GGCX: variants seen among roughly 807,000 people sequenced by gnomAD.
The protein encoded by GGCX is vitamin K-dependent gamma-carboxylase.
In GGCX, 63 loss-of-function variants were observed where a neutral mutation model predicts 88.5. That is an observed-to-expected ratio of 0.71 (90% CI 0.58 to 0.88). The LOEUF (loss-of-function observed/expected upper bound fraction) is 0.88, where lower values mean the gene tolerates loss of function less well. Among genes scored for constraint, GGCX ranks in the 40% least tolerant of loss-of-function variants. The pLI, the probability that GGCX is intolerant of heterozygous loss-of-function variation, is 0.00. For synonymous variants in GGCX, 368 were observed against 365.8 expected (o/e 1.01, Z -0.07); for missense variants, 805 against 932.9 (o/e 0.86, Z 1.79).
intron 6 of GGCX, 194 bp downstream of exon 6, chr2:85,555,290 T>C (rs978286754): frequency 3.6e-6 from 2 of 548,472 alleles, no homozygotes; most frequent in African/African-American, 3.8e-5. Context: ...CTATACCATA[T>C]ATCTCCCAAG....
rs1236321525 is a variant in GGCX, at chr2:85,561,463, C to T, written c.-35G>A. 4.0e-6 allele frequency: 6 copies of T among 1,511,296 alleles called. No individual in the cohort carries two copies. Among genetic ancestry groups the T allele is most frequent in the Non-Finnish European group, 5.4e-6 (6 of 1,108,530 alleles). The allele number at this position is 1,511,296 out of a possible 1,614,324, so 93.6% of individuals were successfully genotyped here. ...GAGGAGGCAGGTGGGTCACAGCTGC[C>T]GCGTCTGAACGGAGGCCGCCAGGAG... On this transcript the variant is annotated 5_prime_UTR_variant, in exon 1 of 15. Coordinates refer to ENST00000233838, the MANE Select transcript of GGCX (RefSeq NM_000821.7).
chr2:85,547,481 A>ACT lies in GGCX; in HGVS notation c.*2451_*2452dup, dbSNP rs1227876885. 2.0e-5 allele frequency: 3 copies of ACT among 152,190 alleles called. No individual in the cohort carries two copies. The highest frequency in any genetic ancestry group is 7.2e-5 in the African/African-American group (3 of 41,438). 9.4% of individuals were successfully genotyped at this position (152,190 alleles called of 1,614,324 possible). ...GGAAAATTGGTCAGAGAGGTGGTAT[A>ACT]CTAACAGTTTGGGGAAGGGCAGCAT... On this transcript the variant is annotated 3_prime_UTR_variant, in exon 15 of 15. Coordinates refer to ENST00000233838, the MANE Select transcript of GGCX (RefSeq NM_000821.7).
At position 85,550,721 on chromosome 2, in the gene GGCX, G is replaced by A; in HGVS notation, c.1918C>T (p.Pro640Ser). Residue 640 changes from proline (P) to serine (S), a missense_variant, in exon 14 of 15, where the codon CCT becomes TCT. Physicochemically the swap from Pro to Ser is moderately conservative, Grantham distance 74. Coordinates refer to ENST00000233838, the MANE Select transcript of GGCX (RefSeq NM_000821.7). ...ETGPLPPELQ[P>S]LLEGEVKGGP... is the part of the protein sequence containing the mutation. ...CCTTTTACTTCCCCTTCCAACAGAGGCTGCAGCTCTGGGGGTAGAGGCCCT... is the reference window on the plus strand; with the variant it reads ...CCTTTTACTTCCCCTTCCAACAGAGACTGCAGCTCTGGGGGTAGAGGCCCT... 1 of 1,614,068 alleles carries A rather than the reference G, an allele frequency of 6.2e-7. No homozygotes were observed. Among genetic ancestry groups the A allele is most frequent in the Admixed American group, 1.7e-5 (1 of 60,020 alleles).
intron 6 of GGCX, 183 bp from the exon 7 acceptor site, chr2:85,554,489 G>A (rs904855074): frequency 6.0e-5 from 29 of 483,602 alleles, no homozygotes; most frequent in Non-Finnish European, 8.8e-5. Flanking sequence ...TTGTTGAAAC[G>A]AAGTTTCACT....
rs948341978 is a variant in GGCX at position 85,547,291 on chromosome 2, TGAG to T, written c.*2640_*2642del. 3 of 152,174 alleles carry T rather than the reference TGAG, an allele frequency of 2.0e-5. No homozygotes were observed. The highest frequency in any genetic ancestry group is 4.8e-5 in the African/African-American group (2 of 41,440). 9.4% of individuals were successfully genotyped at this position (152,174 alleles called of 1,614,324 possible). ...AAAGATCCAAATCCTGAGGGTAGAA[TGAG>T]GAGGATGTATACTAAAGTCTTTTGG... On this transcript the variant is annotated 3_prime_UTR_variant, in exon 15 of 15. Transcript: ENST00000233838.
At position 85,558,504 on chromosome 2, in the gene GGCX, T is replaced by G. The variant is rs749359561; in HGVS notation, c.475A>C (p.Asn159His). 4.3e-6 allele frequency: 7 copies of G among 1,613,792 alleles called. No homozygotes were observed. The highest frequency in any genetic ancestry group is 2.2e-5 in the East Asian group (1 of 44,870). ...AACAACCCATACAGATAGGAGTGGTTGTTCCATGATGTCTTGTCCAGGAGA... is the reference window on the plus strand; with the variant it reads ...AACAACCCATACAGATAGGAGTGGTGGTTCCATGATGTCTTGTCCAGGAGA... ...VFLLDKTSWN[N>H]HSYLYGLLAF... Residue 159 changes from asparagine (N) to histidine (H), a missense_variant, in exon 4 of 15, where the codon AAC (asparagine) becomes CAC (histidine). By Grantham distance (68) the Asn-to-His change is moderately conservative. Coordinates refer to ENST00000233838, the MANE Select transcript of GGCX (RefSeq NM_000821.7).
rs1173990289 is a variant in GGCX, at chr2:85,549,333, C to T, written c.*601G>A. 1.3e-5 allele frequency: 2 copies of T among 159,504 alleles called. No homozygotes were observed. Among genetic ancestry groups the T allele is most frequent in the Non-Finnish European group, 2.8e-5 (2 of 72,518 alleles). 9.9% of individuals were successfully genotyped at this position (159,504 alleles called of 1,614,324 possible). ...CACTTGGGAACAGTTAGCTATTCAT[C>T]GTGGTACATTAAATTGCTTTTCCCC... On this transcript the variant is annotated 3_prime_UTR_variant, in exon 15 of 15. Transcript: ENST00000233838.
intron 1 of GGCX, 136 bp from the exon 2 acceptor site, chr2:85,561,121 AG>A: frequency 1.2e-6 from 1 of 802,374 alleles, no homozygotes; most frequent in Non-Finnish European, 2.2e-6. Context: ...ATCTGACTAT[AG>A]GAAACATCCC....
chr2:85,555,619 A>C, intron 5 of GGCX, 29 bp from the exon 6 acceptor site: 1 of 1,202,440 alleles, frequency 8.3e-7, no homozygotes, highest in Non-Finnish European at 1.2e-6. Flanking sequence ...ACAAAGTTCA[A>C]GCAAAAAGAA....
chr2:85,553,939 G>T, intron 7 of GGCX: 1 of 616,598 alleles, frequency 1.6e-6, no homozygotes, highest in Non-Finnish European at 3.0e-6. Context: ...TGTTCTTCCT[G>T]GAGATTCCCT....
Position 85,547,230 on chromosome 2 carries a change from C to T in GGCX, c.*2704G>A, listed in dbSNP as rs1691713294. On this transcript the variant is annotated 3_prime_UTR_variant, in exon 15 of 15. Coordinates refer to ENST00000233838, the MANE Select transcript of GGCX (RefSeq NM_000821.7). Reference sequence around the variant, plus strand: ...AACATTCTGTATATAACCTGCCTTTCTAAAGTTTCAAAGGGGATGGATACC... The same window carrying T: ...AACATTCTGTATATAACCTGCCTTTTTAAAGTTTCAAAGGGGATGGATACC... The T allele has an allele frequency of 6.6e-6, 1 of 152,162 alleles. No homozygotes were observed. Among genetic ancestry groups the T allele is most frequent in the Non-Finnish European group, 1.5e-5 (1 of 68,032 alleles). The allele number at this position is 152,162 out of a possible 1,614,324, so 9.4% of individuals were successfully genotyped here. A position where few individuals can be genotyped will look rare whatever the true frequency, so the allele number is the denominator to read the frequency against.
chr2:85,551,674 C>T lies in GGCX; in HGVS notation c.1610-64G>A, dbSNP rs566828705. 41 of 1,598,462 alleles carry T rather than the reference C, an allele frequency of 2.6e-5. No homozygotes were observed. The African/African-American group carries it at 5.2e-4, about 20-fold the overall frequency. Reference sequence around the variant, plus strand: ...AGAGTGAACTCACTCCCAGCCAGAACAGAGACATCACACCTTTACCACCAT... The same window carrying T: ...AGAGTGAACTCACTCCCAGCCAGAATAGAGACATCACACCTTTACCACCAT... On this transcript the variant is annotated intron_variant, in intron 11 of 14. Transcript: ENST00000233838.
Position 85,552,512 on chromosome 2 carries a change from G to C in GGCX, c.1343C>G (p.Ala448Gly). Residue 448 changes from alanine (A) to glycine (G), a missense_variant, in exon 10 of 15, where the codon GCC (alanine) becomes GGC (glycine). By Grantham distance (60) the Ala-to-Gly change is moderately conservative (BLOSUM62 0). Transcript: ENST00000233838. ...GGGAAGCAGGCGGCTCAGGCAAGTG[G>C]CATATTGCTTCAGCATGTCTGCATG... ...KDHADMLKQY[A>G]TCLSRLLPKY... 1 of 1,613,606 alleles carries C rather than the reference G, an allele frequency of 6.2e-7. No homozygotes were observed.
At chr2:85,561,111 A>AGGT in intron 1 of GGCX, 126 bp from the exon 2 acceptor site, 1 of 834,502 alleles carries the variant, frequency 1.2e-6, no homozygotes, top group Non-Finnish European at 2.1e-6. Context: ...TGCCTCAATG[A>AGGT]TCTGACTATA....
At chr2:85,559,177 T>C in intron 2 of GGCX, 102 bp from the exon 3 acceptor site, 1 of 933,312 alleles carries the variant, frequency 1.1e-6, no homozygotes, top group Non-Finnish European at 1.7e-6. Context: ...GTCAGACTTC[T>C]TTTCTAATCT....
rs146085955 is a variant in GGCX, at chr2:85,554,243, G to A, written c.789C>T (p.Asp263=). 8.2e-4 allele frequency: 1,323 copies of A among 1,613,686 alleles called. No individual in the cohort carries two copies. Among genetic ancestry groups the A allele is most frequent in the Admixed American group, 1.3e-3 (79 of 60,018 alleles). ...LVVHWGGLLL[D]LSAGFLLFFD... is the part of the protein sequence containing the mutation. ...AAAAGAGCAGGAAACCAGCTGAGAG[G>A]TCAAGCAGCAGCCCACCCCAGTGCA... The change falls in exon 7 of 15, where the codon GAC becomes GAT. Residue 263 remains aspartate (D), a synonymous_variant. Transcript: ENST00000233838.
chr2:85,560,353 G>A (rs1250692297), intron 2 of GGCX, among the ~76,000 whole-genome samples: 2 of 152,072 alleles, frequency 1.3e-5, no homozygotes, highest in African/African-American at 4.8e-5. Flanking sequence ...TTGGGAGGCC[G>A]AGGCAGGCGG....
intron 7 of GGCX, 56 bp from the exon 8 acceptor site, chr2:85,553,553 C>G: frequency 6.4e-7 from 1 of 1,561,570 alleles, no homozygotes; most frequent in Non-Finnish European, 8.8e-7. Flanking sequence ...CCTCTTCAAC[C>G]CCGTTCCCTT....
rs200418394 is a variant in GGCX, at chr2:85,546,561, AAAG to A, written c.*3370_*3372del. 4,520 of 152,212 alleles carry A rather than the reference AAAG, an allele frequency of 0.03. 95 individuals are homozygous for A. The highest frequency in any genetic ancestry group is 0.081 in the Middle Eastern group (24 of 296). 9.4% of individuals were successfully genotyped at this position (152,212 alleles called of 1,614,324 possible). On this transcript the variant is annotated 3_prime_UTR_variant, in exon 15 of 15. Transcript: ENST00000233838. ...ACCCCGTCTCTACCAAAAATACAAA[AAAG>A]CTGGGTGTGGTGGCAGGTGCTTGTA...
Sources: gnomAD v4.1 joint callset for allele counts (sites outside exome capture counted in the v4.1 genomes callset) on GRCh38, gnomAD v4.1.1 for gene constraint, MANE v1.5 for transcripts, NCBI Gene and HGNC (gene_info 2026-07-23, HGNC 2026-07-21) for gene names.